Variants in TMEM272 observed in about 807,000 individuals in gnomAD.
TMEM272 encodes transmembrane protein 272.
TMEM272 carries 8 observed loss-of-function variants against 3.7 expected under a neutral mutation model. That is an observed-to-expected ratio of 2.17 (90% CI 1.27 to 3.91). TMEM272 has a LOEUF of 3.91. Ranked by LOEUF, TMEM272 falls within the 30% of genes most tolerant of loss-of-function variation. The pLI is 0.00. For synonymous variants in TMEM272, 63 were observed against 39.8 expected (o/e 1.58, Z -2.20); for missense variants, 166 against 91.5 (o/e 1.81, Z -3.32).
the TMEM272 span, among the ~76,000 whole-genome samples, chr13:51,857,900 G>C: frequency 6.6e-6 from 1 of 151,956 alleles, no homozygotes; most frequent in African/African-American, 2.4e-5. Flanking sequence ...GCACAGAAAG[G>C]TTGAAATAAA....
At chr13:51,907,270 G>A in the TMEM272 span, among the ~76,000 whole-genome samples, 2,333 of 152,286 alleles carry the variant, frequency 0.015, 50 homozygotes, top group Admixed American at 0.069. Context: ...TATTAACCAT[G>A]TCTTTTTATG....
upstream of TMEM272, among the ~76,000 whole-genome samples, chr13:51,849,464 TAA>T (rs1283545986): frequency 6.6e-6 from 1 of 152,226 alleles, no homozygotes; most frequent in Non-Finnish European, 1.5e-5. Context: ...TTTCAGTGGT[TAA>T]GATGTTGAGT....
the TMEM272 span, among the ~76,000 whole-genome samples, chr13:51,871,049 C>T: frequency 1.3e-5 from 2 of 152,098 alleles, no homozygotes; most frequent in Admixed American, 6.5e-5. Flanking sequence ...GCCTGGCCCC[C>T]TCCCCACCAT....
chr13:51,923,282 A>G, the TMEM272 span, among the ~76,000 whole-genome samples: 1 of 152,206 alleles, frequency 6.6e-6, no homozygotes, highest in East Asian at 1.9e-4. Context: ...GCTGCGACTC[A>G]GTCCTCTCTG....
At position 51,816,900 on chromosome 13, in the gene TMEM272, G is replaced by A; in HGVS notation, c.415C>T (p.Gln139Ter). ...TTGTCACAGTAGTCCTGAGGCTGCT[G>A]GAAAGGGGGAAGAAAATCAGGCAGG... ...VYLPDFLPPF[Q>*]QPQDYCDKTL... Residue 139 changes from glutamine (Q) to a stop codon, truncating the protein, a stop_gained, in exon 5 of 5, where the codon CAG becomes TAG. Transcript: ENST00000629372. LOFTEE classifies it low-confidence loss of function (END_TRUNC). The A allele has an allele frequency of 1.4e-6, 1 of 703,004 alleles. No individual in the cohort carries two copies. The highest frequency in any genetic ancestry group is 2.6e-6 in the Non-Finnish European group (1 of 384,992). 43.5% of individuals were successfully genotyped at this position (703,004 alleles called of 1,614,324 possible). A position where few individuals can be genotyped will look rare whatever the true frequency, so the allele number is the denominator to read the frequency against.
chr13:51,833,439 C>T (rs753008895), intron 2 of TMEM272, among the ~76,000 whole-genome samples: 38 of 152,118 alleles, frequency 2.5e-4, no homozygotes, highest in Middle Eastern at 3.2e-3. Context: ...GGGTGGCTCT[C>T]GGAGTGAAGA....
chr13:51,867,436 G>C, the TMEM272 span, among the ~76,000 whole-genome samples: 1 of 152,182 alleles, frequency 6.6e-6, no homozygotes, highest in Non-Finnish European at 1.5e-5. Context: ...TCAATACTGG[G>C]AGAGCCTTAA....
At chr13:51,859,041 C>T in the TMEM272 span, among the ~76,000 whole-genome samples, 1 of 152,140 alleles carries the variant, frequency 6.6e-6, no homozygotes, top group Admixed American at 6.5e-5. Flanking sequence ...AGGATGGATT[C>T]TTTCCATCCT....
chr13:51,887,155 T>G, the TMEM272 span, among the ~76,000 whole-genome samples: 43 of 152,310 alleles, frequency 2.8e-4, no homozygotes, highest in Non-Finnish European at 5.9e-4. Flanking sequence ...TCTCATAAAC[T>G]TAGCTTTGCT....
At chr13:51,829,737 A>G (rs1470379205) in intron 2 of TMEM272, among the ~76,000 whole-genome samples, 1 of 152,190 alleles carries the variant, frequency 6.6e-6, no homozygotes, top group Non-Finnish European at 1.5e-5. Flanking sequence ...ACACAAAGAA[A>G]TGGAGCAGTC....
At chr13:51,883,310 T>G in the TMEM272 span, among the ~76,000 whole-genome samples, 2 of 152,192 alleles carry the variant, frequency 1.3e-5, no homozygotes, top group African/African-American at 2.4e-5. Context: ...ACAGCTTTTT[T>G]CCCACTCACC....
At chr13:51,899,825 T>C in the TMEM272 span, among the ~76,000 whole-genome samples, 18 of 152,254 alleles carry the variant, frequency 1.2e-4, no homozygotes, top group African/African-American at 4.1e-4. Flanking sequence ...TACATTTTTA[T>C]TAAATTATGA....
At chr13:51,891,317 C>T in the TMEM272 span, among the ~76,000 whole-genome samples, 57 of 152,144 alleles carry the variant, frequency 3.7e-4, no homozygotes, top group African/African-American at 1.2e-3. Flanking sequence ...ATTTCATTTG[C>T]TTTTTTTCTA....
chr13:51,838,587 G>C, intron 1 of TMEM272, 34 bp from the exon 2 acceptor site: 2 of 703,044 alleles, frequency 2.8e-6, no homozygotes, highest in Non-Finnish European at 5.2e-6. Context: ...AGAAAGGATG[G>C]TGGAAGGATT....
chr13:51,906,231 G>C, the TMEM272 span, among the ~76,000 whole-genome samples: 1 of 152,186 alleles, frequency 6.6e-6, no homozygotes, highest in Admixed American at 6.5e-5. Context: ...TAATTCAAAG[G>C]GTGAAATAAT....
chr13:51,866,009 A>G, the TMEM272 span: 12 of 1,611,920 alleles, frequency 7.4e-6, no homozygotes, highest in African/African-American at 1.2e-4. Flanking sequence ...CGGAGAGCAG[A>G]TGCTCGAAGA....
At chr13:51,917,734 T>C in the TMEM272 span, among the ~76,000 whole-genome samples, 1 of 152,190 alleles carries the variant, frequency 6.6e-6, no homozygotes, top group East Asian at 1.9e-4. Context: ...AGCTGCAAAA[T>C]GCATTGATGG....
the TMEM272 span, among the ~76,000 whole-genome samples, chr13:51,895,296 C>T: frequency 6.6e-6 from 1 of 152,160 alleles, no homozygotes; most frequent in Admixed American, 6.5e-5. Context: ...AACCCATAAC[C>T]AGCATAGGCT....
At chr13:51,866,890 TG>T in the TMEM272 span, among the ~76,000 whole-genome samples, 1 of 152,218 alleles carries the variant, frequency 6.6e-6, no homozygotes, top group African/African-American at 2.4e-5. Context: ...ACATTCTTTT[TG>T]GGGGGCTTCC....
Sources: allele counts gnomAD v4.1 joint callset (sites outside exome capture counted in the v4.1 genomes callset), GRCh38; gene constraint gnomAD v4.1.1; transcripts MANE v1.5; gene names NCBI Gene and HGNC (gene_info 2026-07-23, HGNC 2026-07-21).